Variants in CUX2 observed in about 807,000 individuals in gnomAD.
The protein encoded by CUX2 is cut like homeobox 2, also known as homeobox protein cut-like 2.
Under a neutral mutation model 144.8 loss-of-function variants are expected in CUX2, and 40 were observed. The ratio of observed to expected loss-of-function variants is 0.28; its 90% CI spans 0.21 to 0.36. The LOEUF is 0.36. Ranked by LOEUF, CUX2 falls within the 10% of genes least tolerant of loss-of-function variation. CUX2 has a pLI of 1.00. For missense variants in CUX2, 1,615 were observed against 1,994.0 expected, an observed-to-expected ratio of 0.81 and a Z score of 3.62; for synonymous variants, 827 against 875.6, an observed-to-expected ratio of 0.94 and a Z score of 0.98.
In CUX2 at chr12:111,100,021, G is replaced by T. The variant is rs1044851821; in HGVS notation, c.63+65781G>T. On this transcript the variant is annotated intron_variant, in intron 1 of 21. Transcript: ENST00000261726. ...ATTTTTGCACATTCGCTTTTTATTT[G>T]CCGGTGGTGCTGCTGACGGGCCCTC... The T allele has an allele frequency of 4.8e-5, 22 of 456,956 alleles. No homozygotes were observed. The Admixed American group carries it at 5.2e-4, about 11-fold the overall frequency. The allele number at this position is 456,956 out of a possible 1,614,324, so 28.3% of individuals were successfully genotyped here.
Position 111,307,323 on chromosome 12 carries a change from G to C in CUX2, c.1109+66G>C. On this transcript the variant is annotated intron_variant, in intron 12 of 21. Coordinates refer to ENST00000261726, the MANE Select transcript of CUX2 (RefSeq NM_015267.4). This position sits in a 1 kb window ranked among gnomAD's most constrained non-coding sequence, Gnocchi z 4.1. Reference sequence around the variant, plus strand: ...TCCCTGGCCAGGAGCTCTTGGCAAAGTTCATCATCTTCCTCCCTCCTACTA... The same window carrying C: ...TCCCTGGCCAGGAGCTCTTGGCAAACTTCATCATCTTCCTCCCTCCTACTA... 7.0e-7 allele frequency: 1 copy of C among 1,426,924 alleles called. No individual in the cohort carries two copies. Among genetic ancestry groups the C allele is most frequent in the Non-Finnish European group, 9.8e-7 (1 of 1,021,814 alleles). The allele number at this position is 1,426,924 out of a possible 1,614,324, so 88.4% of individuals were successfully genotyped here.
rs760819966 is a variant in CUX2, at chr12:111,320,476, G to A, written c.2467G>A (p.Ala823Thr). 1.9e-5 allele frequency: 30 copies of A among 1,590,268 alleles called. 1 individual carries two copies. The South Asian group carries it at 2.4e-4, about 13-fold the overall frequency. Reference sequence around the variant, plus strand: ...CTACTCTGGCCAGCCCAACGGCCGCGCCTGGCCCCGCGGGGACGAGGCCCC... The same window carrying A: ...CTACTCTGGCCAGCCCAACGGCCGCACCTGGCCCCGCGGGGACGAGGCCCC... ...SGYSGQPNGR[A>T]WPRGDEAPVP... is the part of the protein sequence containing the mutation. Residue 823 changes from alanine (A) to threonine (T), a missense_variant, in exon 17 of 22, where the codon GCC becomes ACC. By Grantham distance (58) the Ala-to-Thr change is moderately conservative (BLOSUM62 0). Around this residue, in one of 12 missense-constraint regions of CUX2, gnomAD observed 390 missense variants for 387.1 expected, o/e 1.01. Transcript: ENST00000261726. This position sits in a 1 kb window ranked among gnomAD's most constrained non-coding sequence, Gnocchi z 8.1.
intron 1 of CUX2, among the ~76,000 whole-genome samples, chr12:111,069,867 C>G (rs550443664): frequency 1.3e-5 from 2 of 152,062 alleles, no homozygotes; most frequent in Non-Finnish European, 2.9e-5. Flanking sequence ...GTTGGGGAGG[C>G]GGGAGTTCAG....
chr12:111,149,286 G>GGCTATTGTT (rs1468123392), intron 1 of CUX2, among the ~76,000 whole-genome samples: 2 of 152,004 alleles, frequency 1.3e-5, no homozygotes, highest in African/African-American at 4.8e-5. Context: ...AAAGCTTATC[G>GGCTATTGTT]GCTATTGTTG....
intron 3 of CUX2, among the ~76,000 whole-genome samples, chr12:111,254,637 A>C (rs972265131): frequency 4.6e-5 from 7 of 152,198 alleles, no homozygotes; most frequent in African/African-American, 1.7e-4. Context: ...AGGGTCCAAA[A>C]ATGAATTCGT....
intron 3 of CUX2, among the ~76,000 whole-genome samples, chr12:111,241,793 T>A (rs1883031185): frequency 6.6e-6 from 1 of 152,288 alleles, no homozygotes; most frequent in African/African-American, 2.4e-5. Flanking sequence ...GCCAGCTTCC[T>A]GGGACCACCC....
intron 1 of CUX2, among the ~76,000 whole-genome samples, chr12:111,209,218 C>A (rs906553334): frequency 6.6e-6 from 1 of 151,888 alleles, no homozygotes; most frequent in African/African-American, 2.4e-5. Flanking sequence ...GGCAACATGG[C>A]GAGACCCCCA....
rs1871574105 is a variant in CUX2, at chr12:111,077,045, T to A, written c.63+42805T>A. 6.6e-6 allele frequency among the ~76,000 whole-genome samples: 1 copy of A among 152,218 alleles called. No homozygotes were observed. Among genetic ancestry groups the A allele is most frequent in the Non-Finnish European group, 1.5e-5 (1 of 68,040 alleles). ...TTAAACAGTCCCATTGCAACAGAGC[T>A]ATTCCTTGCACGAGGAGGTAAAATA... On this transcript the variant is annotated intron_variant, in intron 1 of 21. Coordinates refer to ENST00000261726, the MANE Select transcript of CUX2 (RefSeq NM_015267.4). This position sits in a 1 kb window ranked among gnomAD's most constrained non-coding sequence, Gnocchi z 4.1.
chr12:111,169,275 C>T (rs1021805099), intron 1 of CUX2, among the ~76,000 whole-genome samples: 8 of 152,046 alleles, frequency 5.3e-5, no homozygotes, highest in Non-Finnish European at 8.8e-5. Context: ...CTGGAGGTGG[C>T]GAGGAAGGAC....
In CUX2 at chr12:111,293,069, G is replaced by A. The variant is rs921504912; in HGVS notation, c.437-377G>A. Among the ~76,000 whole-genome samples, 24 of 152,016 alleles carry A rather than the reference G, an allele frequency of 1.6e-4. No individual in the cohort carries two copies. Among genetic ancestry groups the A allele is most frequent in the Middle Eastern group, 3.2e-3 (1 of 314 alleles). On this transcript the variant is annotated intron_variant, in intron 5 of 21. Coordinates refer to ENST00000261726, the MANE Select transcript of CUX2 (RefSeq NM_015267.4). The surrounding 1 kb of genome is among the most constrained non-coding windows in gnomAD (Gnocchi z 4.5). Reference sequence around the variant, plus strand: ...ACCCAGGAGGCAGAGGTTGCAGTAAGCTGAGATTGTGCCACTGCACTCGCA... The same window carrying A: ...ACCCAGGAGGCAGAGGTTGCAGTAAACTGAGATTGTGCCACTGCACTCGCA...
intron 10 of CUX2, among the ~76,000 whole-genome samples, chr12:111,305,866 T>A (rs1187730540): frequency 6.6e-6 from 1 of 152,124 alleles, no homozygotes. Flanking sequence ...TGAGTGTCTC[T>A]CTTTGATGCG....
At chr12:111,264,957 A>G (rs1342990946) in intron 4 of CUX2, among the ~76,000 whole-genome samples, 1 of 152,102 alleles carries the variant, frequency 6.6e-6, no homozygotes, top group Non-Finnish European at 1.5e-5. Context: ...CTTAATCGGT[A>G]TGAGTTTCTT....
In CUX2 at chr12:111,077,285, C is replaced by CGCA. The variant is rs1566203773; in HGVS notation, c.63+43048_63+43050dup. On this transcript the variant is annotated intron_variant, in intron 1 of 21. Coordinates refer to ENST00000261726, the MANE Select transcript of CUX2 (RefSeq NM_015267.4). This position sits in a 1 kb window ranked among gnomAD's most constrained non-coding sequence, Gnocchi z 4.1. Reference sequence around the variant, plus strand: ...TTGAAAGAGGCCTTTCCTTGAAACGCGCAGCCGTGTGGCAGGGCCCGGGAA... The same window carrying CGCA: ...TTGAAAGAGGCCTTTCCTTGAAACGCGCAGCAGCCGTGTGGCAGGGCCCGGGAA... Among the ~76,000 whole-genome samples the CGCA allele has an allele frequency of 6.6e-6, 1 of 152,190 alleles. No homozygotes were observed. The highest frequency in any genetic ancestry group is 1.9e-4 in the East Asian group (1 of 5,180).
intron 1 of CUX2, among the ~76,000 whole-genome samples, chr12:111,149,349 A>AC (rs11438252): frequency 0.026 from 3,921 of 152,144 alleles, 166 homozygotes; most frequent in African/African-American, 0.09. Flanking sequence ...AAGATTGGAC[A>AC]CCCCTACCCT....
intron 1 of CUX2, among the ~76,000 whole-genome samples, chr12:111,185,655 G>A (rs1879481206): frequency 6.6e-6 from 1 of 152,194 alleles, no homozygotes. Flanking sequence ...TGAGCCCCGA[G>A]GGGACCCCGG....
intron 1 of CUX2, among the ~76,000 whole-genome samples, chr12:111,194,490 A>G (rs1235381605): frequency 6.6e-6 from 1 of 152,150 alleles, no homozygotes; most frequent in Non-Finnish European, 1.5e-5. Context: ...CACATCAAAA[A>G]TCTGGATTTG....
chr12:111,142,978 G>C (rs931019900), intron 1 of CUX2, among the ~76,000 whole-genome samples: 2 of 152,172 alleles, frequency 1.3e-5, no homozygotes, highest in African/African-American at 2.4e-5. Flanking sequence ...TGCCTAGAAG[G>C]TGTTCGCTTT....
chr12:111,069,541 T>C (rs969832527), intron 1 of CUX2, among the ~76,000 whole-genome samples: 8 of 150,826 alleles, frequency 5.3e-5, no homozygotes, highest in African/African-American at 1.7e-4. Context: ...TGTGTGTGTG[T>C]GTGTGTGTGT....
At chr12:111,065,494 C>G (rs1295033005) in intron 1 of CUX2, among the ~76,000 whole-genome samples, 1 of 152,158 alleles carries the variant, frequency 6.6e-6, no homozygotes, top group Non-Finnish European at 1.5e-5. Context: ...CATCACCATG[C>G]CTGGCTAGTT....
Sources: allele counts gnomAD v4.1 joint callset (sites outside exome capture counted in the v4.1 genomes callset), GRCh38; gene constraint gnomAD v4.1.1; regional missense constraint gnomAD v4.1.1; non-coding constraint Gnocchi (gnomAD v3.1); transcripts MANE v1.5; gene names NCBI Gene and HGNC (gene_info 2026-07-23, HGNC 2026-07-21).